MIEF1: variants seen among roughly 807,000 people sequenced by gnomAD.
The protein encoded by MIEF1 is mitochondrial dynamics protein MIEF1.
MIEF1 carries 14 observed loss-of-function variants against 35.1 expected under a neutral mutation model. The observed-to-expected ratio is 0.40, with a 90% CI of 0.26 to 0.62. The LOEUF is 0.62. MIEF1 is among the 20% of genes least tolerant of loss of function. The probability of loss-of-function intolerance (pLI) is 0.43; values close to 1 mark genes in which losing one functional copy is unlikely to be tolerated. For synonymous variants in MIEF1, 245 were observed against 254.3 expected (o/e 0.96, Z 0.35); for missense variants, 542 against 615.4 (o/e 0.88, Z 1.26).
At chr22:39,500,239 G>A (rs920079280), upstream of MIEF1, 1 of 152,116 alleles carries the variant, frequency 6.6e-6, no homozygotes, top group African/African-American at 2.4e-5. Flanking sequence ...TGGGTCTCTG[G>A]CCTACAAAGG....
chr22:39,509,362 T>C (rs550822917), intron 2 of MIEF1: 1 of 152,216 alleles, frequency 6.6e-6, no homozygotes, highest in Non-Finnish European at 1.5e-5. Context: ...TAGAGGAGAG[T>C]GGCAGCATGC....
In MIEF1 at chr22:39,515,060, A is replaced by G; in HGVS notation, c.*737A>G. 1 of 583,340 alleles carries G rather than the reference A, an allele frequency of 1.7e-6. No individual in the cohort carries two copies. The highest frequency in any genetic ancestry group is 2.2e-5 in the South Asian group (1 of 46,414). The allele number at this position is 583,340 out of a possible 1,614,324, so 36.1% of individuals were successfully genotyped here. On this transcript the variant is annotated 3_prime_UTR_variant, in exon 6 of 6. Coordinates refer to ENST00000325301, the MANE Select transcript of MIEF1 (RefSeq NM_019008.6). ...TCTTGGTGGCTATTAGCAGAAGTGC[A>G]GAGTAGGGAACCAGAGCTGGTTAAG... is the stretch of plus-strand genomic sequence containing the variant.
In MIEF1 at chr22:39,515,112, G is replaced by T. The variant is rs8137432; in HGVS notation, c.*789G>T. ...GCCTAGTGAAGGGTTTGTGTGCCCAGTGTCTGCTCGTCATCTGTGGCTGCA... is the reference window on the plus strand; with the variant it reads ...GCCTAGTGAAGGGTTTGTGTGCCCATTGTCTGCTCGTCATCTGTGGCTGCA... On this transcript the variant is annotated 3_prime_UTR_variant, in exon 6 of 6. Transcript: ENST00000325301. The T allele has an allele frequency of 9.0e-3, 5,566 of 620,890 alleles. 245 individuals carry two copies. In the African/African-American group the frequency reaches 0.09, roughly 10 times the overall value. The allele number at this position is 620,890 out of a possible 1,614,324, so 38.5% of individuals were successfully genotyped here.
upstream of MIEF1, chr22:39,502,113 C>A (rs1017824328): frequency 6.6e-6 from 1 of 152,300 alleles, no homozygotes; most frequent in African/African-American, 2.4e-5. Flanking sequence ...ACCCCGGTAC[C>A]CACAGCCGGA....
intron 2 of MIEF1, among the ~76,000 whole-genome samples, chr22:39,510,301 T>C (rs1930266596): frequency 6.6e-6 from 1 of 152,008 alleles, no homozygotes; most frequent in Admixed American, 6.6e-5. Flanking sequence ...GGGGTCTCAC[T>C]CTGTCACTGA....
At chr22:39,504,789 G>C (rs1929933636) in intron 2 of MIEF1, 2 of 179,258 alleles carry the variant, frequency 1.1e-5, no homozygotes, top group Non-Finnish European at 1.1e-5. Context: ...TCTGGGGTGG[G>C]GGGGAAAAAA....
intron 1 of MIEF1, chr22:39,503,037 C>T (rs367705951): frequency 2.0e-5 from 3 of 152,176 alleles, no homozygotes; most frequent in African/African-American, 7.2e-5. Context: ...ATTTCTTCCA[C>T]ATAGGGACGT....
At chr22:39,511,766 C>A in intron 3 of MIEF1, 83 bp from the exon 4 acceptor site, 1 of 1,487,878 alleles carries the variant, frequency 6.7e-7, no homozygotes, top group South Asian at 1.3e-5. Context: ...CTTACTAGGA[C>A]AGAGCTTCTG....
chr22:39,500,382 A>T (rs1312127726), upstream of MIEF1: 1 of 151,958 alleles, frequency 6.6e-6, no homozygotes, highest in Non-Finnish European at 1.5e-5. Flanking sequence ...AAGTGGATCT[A>T]GAGGGGCTGA....
At chr22:39,504,645 C>G (rs1274407911) in intron 2 of MIEF1, 111 bp downstream of exon 2, 9 of 357,140 alleles carry the variant, frequency 2.5e-5, no homozygotes, top group Non-Finnish European at 4.5e-5. Context: ...GCCAGGTGCA[C>G]TGGTGTGCAC....
At chr22:39,509,038 C>A (rs1455904240) in intron 2 of MIEF1, among the ~76,000 whole-genome samples, 1 of 151,934 alleles carries the variant, frequency 6.6e-6, no homozygotes, top group Non-Finnish European at 1.5e-5. Context: ...GCTCTGTCAC[C>A]CAGGCTGGAG....
At chr22:39,503,317 A>T (rs185019720) in intron 1 of MIEF1, 4 of 152,166 alleles carry the variant, frequency 2.6e-5, no homozygotes, top group African/African-American at 9.7e-5. Flanking sequence ...TGACAGAATG[A>T]GTTGTTATGT....
chr22:39,515,517 C>G lies in MIEF1; in HGVS notation c.*1194C>G, dbSNP rs1930615516. On this transcript the variant is annotated 3_prime_UTR_variant, in exon 6 of 6. Coordinates refer to ENST00000325301, the MANE Select transcript of MIEF1 (RefSeq NM_019008.6). ...GCATGCACGGACCTCTTCCCCCTGT[C>G]CTGTTTCTCACCCAGCACCTGGGGA... 3.3e-6 allele frequency: 2 copies of G among 604,884 alleles called. No individual in the cohort carries two copies. The highest frequency in any genetic ancestry group is 5.9e-6 in the Non-Finnish European group (2 of 337,204). 37.5% of individuals were successfully genotyped at this position (604,884 alleles called of 1,614,324 possible).
chr22:39,503,356 A>G (rs947821348), intron 1 of MIEF1: 2 of 152,244 alleles, frequency 1.3e-5, no homozygotes, highest in African/African-American at 4.8e-5. Context: ...TGCACGTTGT[A>G]TATAGTGCAA....
intron 2 of MIEF1, 148 bp downstream of exon 2, chr22:39,504,682 G>A (rs746209695): frequency 4.8e-5 from 15 of 311,384 alleles, no homozygotes; most frequent in Non-Finnish European, 8.1e-5. Flanking sequence ...GCAGGAGGCT[G>A]AGGCAGGAGG....
chr22:39,517,720 A>T lies in MIEF1; in HGVS notation c.*3397A>T. The T allele has an allele frequency of 2.4e-6, 1 of 421,114 alleles. No individual in the cohort carries two copies. Among genetic ancestry groups the T allele is most frequent in the South Asian group, 1.7e-5 (1 of 57,618 alleles). The allele number at this position is 421,114 out of a possible 1,614,324, so 26.1% of individuals were successfully genotyped here. A position where few individuals can be genotyped will look rare whatever the true frequency, so the allele number is the denominator to read the frequency against. ...AGGAGAATGATAGGAGACTTAGGACAGAGCTGACCCTTGCACCAGGCTGGG... is the reference window on the plus strand; with the variant it reads ...AGGAGAATGATAGGAGACTTAGGACTGAGCTGACCCTTGCACCAGGCTGGG... On this transcript the variant is annotated 3_prime_UTR_variant, in exon 6 of 6. Transcript: ENST00000325301.
chr22:39,507,318 TC>T (rs1930071135), intron 2 of MIEF1, among the ~76,000 whole-genome samples: 1 of 151,946 alleles, frequency 6.6e-6, no homozygotes, highest in South Asian at 2.1e-4. Context: ...CAATCTTGGC[TC>T]ACTGCAACCT....
chr22:39,504,455 G>A lies in MIEF1; in HGVS notation c.-87G>A. On this transcript the variant is annotated 5_prime_UTR_variant, in exon 2 of 6. Coordinates refer to ENST00000325301, the MANE Select transcript of MIEF1 (RefSeq NM_019008.6). ...GGAGGATCATTTAGGATCCTCCAAG[G>A]GAAAGAGGACAAAGGTGCCTTCTGT... 2.5e-6 allele frequency: 1 copy of A among 399,008 alleles called. No individual in the cohort carries two copies. Among genetic ancestry groups the A allele is most frequent in the East Asian group, 3.6e-5 (1 of 28,076 alleles). 24.7% of individuals were successfully genotyped at this position (399,008 alleles called of 1,614,324 possible).
upstream of MIEF1, among the ~76,000 whole-genome samples, chr22:39,500,742 TG>T (rs761083524): frequency 8.5e-5 from 13 of 152,072 alleles, no homozygotes; most frequent in Admixed American, 8.5e-4. Context: ...TCGCCCAGGC[TG>T]GAGTACAGTA....
Sources: gnomAD v4.1 joint callset for allele counts (sites outside exome capture counted in the v4.1 genomes callset) on GRCh38, gnomAD v4.1.1 for gene constraint, MANE v1.5 for transcripts, NCBI Gene and HGNC (gene_info 2026-07-23, HGNC 2026-07-21) for gene names.